NAALADL2: variants seen among roughly 807,000 people sequenced by gnomAD.
NAALADL2 encodes the protein N-acetylated alpha-linked acidic dipeptidase like 2.
A neutral mutation model predicts 87.2 loss-of-function variants in NAALADL2; 76 were observed. The ratio of observed to expected loss-of-function variants is 0.87; its 90% CI spans 0.72 to 1.05. The LOEUF is 1.05. Ranked by LOEUF, NAALADL2 falls within the 50% of genes least tolerant of loss-of-function variation. The pLI is 0.00. For synonymous variants in NAALADL2, 354 were observed against 331.0 expected (o/e 1.07, Z -0.75); for missense variants, 1,089 against 945.8 (o/e 1.15, Z -1.99).
chr3:175,356,609 T>TAATAATAATAAA (rs1553872598), intron 5 of NAALADL2, among the ~76,000 whole-genome samples: 12 of 132,914 alleles, frequency 9.0e-5, no homozygotes, highest in African/African-American at 3.2e-4. Context: ...ATAATAATAA[T>TAATAATAATAAA]AAAGAAATAA....
chr3:174,800,384 G>A (rs1425841526), intron 3 of NAALADL2, among the ~76,000 whole-genome samples: 1 of 152,186 alleles, frequency 6.6e-6, no homozygotes, highest in Non-Finnish European at 1.5e-5. Flanking sequence ...TAGGGTGGAA[G>A]CACCAAGCCT....
chr3:175,600,563 A>AGT (rs1013834958), intron 10 of NAALADL2, among the ~76,000 whole-genome samples: 29 of 79,232 alleles, frequency 3.7e-4, no homozygotes, highest in Admixed American at 1.9e-3. Context: ...TTTGAGACGG[A>AGT]GTCTCGCTCT....
intron 1 of NAALADL2, among the ~76,000 whole-genome samples, chr3:174,481,765 G>T (rs1717568892): frequency 6.6e-6 from 1 of 152,132 alleles, no homozygotes; most frequent in African/African-American, 2.4e-5. Context: ...TTCCACTAGT[G>T]AAGTCACAGA....
At chr3:174,984,268 T>A (rs944881628) in intron 1 of NAALADL2, among the ~76,000 whole-genome samples, 1 of 152,224 alleles carries the variant, frequency 6.6e-6, no homozygotes, top group Non-Finnish European at 1.5e-5. Flanking sequence ...GCAATTTACA[T>A]TGAAAAATTG....
At chr3:175,340,377 G>A (rs1299676904) in intron 5 of NAALADL2, among the ~76,000 whole-genome samples, 1 of 152,090 alleles carries the variant, frequency 6.6e-6, no homozygotes, top group Non-Finnish European at 1.5e-5. Context: ...TGGAAAACAA[G>A]GACAGAGATA....
At chr3:175,630,814 A>G (rs1285788085) in intron 11 of NAALADL2, among the ~76,000 whole-genome samples, 3 of 151,550 alleles carry the variant, frequency 2.0e-5, no homozygotes, top group African/African-American at 7.2e-5. Flanking sequence ...CCATCGAGGT[A>G]TACATTCTCA....
At chr3:174,863,974 A>G in intron 1 of NAALADL2, 2 of 443,208 alleles carry the variant, frequency 4.5e-6, no homozygotes, top group Non-Finnish European at 9.1e-6. Flanking sequence ...AGGTAACAGG[A>G]CATCTTGGAG....
intron 1 of NAALADL2, among the ~76,000 whole-genome samples, chr3:174,877,593 G>A (rs929639522): frequency 2.6e-5 from 4 of 151,978 alleles, no homozygotes; most frequent in African/African-American, 9.7e-5. Context: ...GGATTCATTT[G>A]AGTTTTATCC....
At chr3:174,809,757 TA>T (rs1490814892) in intron 3 of NAALADL2, among the ~76,000 whole-genome samples, 1 of 152,216 alleles carries the variant, frequency 6.6e-6, no homozygotes, top group African/African-American at 2.4e-5. Context: ...AAAATTGTGA[TA>T]TTATTTGTAT....
upstream of NAALADL2, among the ~76,000 whole-genome samples, chr3:174,857,948 C>T (rs1726037831): frequency 6.6e-6 from 1 of 151,648 alleles, no homozygotes; most frequent in Non-Finnish European, 1.5e-5. Context: ...CTGTACTTTA[C>T]ACAACTTATA....
At chr3:174,930,823 C>T (rs1205555542) in intron 1 of NAALADL2, among the ~76,000 whole-genome samples, 2 of 151,658 alleles carry the variant, frequency 1.3e-5, no homozygotes, top group East Asian at 3.9e-4. Flanking sequence ...GGGGTTTCAT[C>T]GTGTTAGCCG....
chr3:174,990,981 T>G (rs550670845), intron 1 of NAALADL2, among the ~76,000 whole-genome samples: 1 of 152,252 alleles, frequency 6.6e-6, no homozygotes, highest in Admixed American at 6.5e-5. Flanking sequence ...ATTCATATAT[T>G]ACAGTGAATA....
At chr3:175,193,817 G>A (rs1028169748) in intron 2 of NAALADL2, among the ~76,000 whole-genome samples, 1 of 151,810 alleles carries the variant, frequency 6.6e-6, no homozygotes, top group Non-Finnish European at 1.5e-5. Flanking sequence ...AGATAGAAAA[G>A]CACTGGACGT....
chr3:175,203,887 TA>T (rs773606725), intron 2 of NAALADL2, among the ~76,000 whole-genome samples: 8 of 152,132 alleles, frequency 5.3e-5, no homozygotes, highest in Non-Finnish European at 8.8e-5. Flanking sequence ...CCTCCTAGCT[TA>T]AATCAGGAAT....
rs1372504846 is a variant in NAALADL2, at chr3:175,755,419, G to A, written c.2189+1G>A. 1 of 1,579,808 alleles carries A rather than the reference G, an allele frequency of 6.3e-7. No homozygotes were observed. The highest frequency in any genetic ancestry group is 8.6e-7 in the Non-Finnish European group (1 of 1,161,668). On this transcript the variant is annotated splice_donor_variant, in intron 13 of 13. Transcript: ENST00000454872. LOFTEE classifies it high-confidence loss of function. ...AGCAGGCACCACCAGGTTTTTATAG[G>A]TAGGATGCATGTCTCAAAAATTATA...
intron 2 of NAALADL2, among the ~76,000 whole-genome samples, chr3:174,629,499 A>G (rs1291574494): frequency 1.3e-5 from 2 of 152,198 alleles, no homozygotes; most frequent in African/African-American, 2.4e-5. Flanking sequence ...TTTGCACACA[A>G]TGTATGAAGA....
intron 5 of NAALADL2, among the ~76,000 whole-genome samples, chr3:175,357,719 C>G (rs1190397299): frequency 1.2e-4 from 18 of 152,148 alleles, no homozygotes. Context: ...TATGCATTTT[C>G]TGTCTTCTTT....
At chr3:174,551,173 T>G (rs181195579) in intron 2 of NAALADL2, 40 of 152,284 alleles carry the variant, frequency 2.6e-4, no homozygotes, top group African/African-American at 9.6e-4. Flanking sequence ...TCTTTGTTTT[T>G]GATGAGATAG....
chr3:175,532,746 T>G (rs4541418), intron 9 of NAALADL2, among the ~76,000 whole-genome samples: 141,321 of 152,272 alleles, frequency 0.93, 65,649 homozygotes, highest in East Asian at 0.97. Context: ...GCCACTTTGG[T>G]ATCCAATTAT....
Sources: allele counts gnomAD v4.1 joint callset (sites outside exome capture counted in the v4.1 genomes callset), GRCh38; gene constraint gnomAD v4.1.1; transcripts MANE v1.5; gene names NCBI Gene and HGNC (gene_info 2026-07-23, HGNC 2026-07-21).